Variants in CSPP1 observed in about 807,000 individuals in gnomAD.
The protein encoded by CSPP1 is centrosome and spindle pole-associated protein 1.
CSPP1 carries 126 observed loss-of-function variants against 164.4 expected under a neutral mutation model. That is an observed-to-expected ratio of 0.77 (90% CI 0.66 to 0.89). CSPP1 has a LOEUF of 0.89. Among genes scored for constraint, CSPP1 ranks in the 40% least tolerant of loss-of-function variants. The pLI, the probability that CSPP1 is intolerant of heterozygous loss-of-function variation, is 0.00. For synonymous variants in CSPP1, 472 were observed against 476.7 expected, an observed-to-expected ratio of 0.99 and a Z score of 0.13; for missense variants, 1,395 against 1,449.8, an observed-to-expected ratio of 0.96 and a Z score of 0.61.
chr8:67,070,726 T>A (rs1806582181), intron 1 of CSPP1, among the ~76,000 whole-genome samples: 1 of 149,098 alleles, frequency 6.7e-6, no homozygotes, highest in Non-Finnish European at 1.5e-5. Context: ...TATGTAAATA[T>A]ATATATATAT....
chr8:67,190,565 T>G (rs929755342), intron 28 of CSPP1, 85 bp from the exon 29 acceptor site: 3 of 967,870 alleles, frequency 3.1e-6, no homozygotes, highest in African/African-American at 1.6e-5. Flanking sequence ...AAGCAAAATC[T>G]TAGTAATTAA....
At chr8:67,133,618 G>C (rs1436543108) in intron 16 of CSPP1, 1 of 152,274 alleles carries the variant, frequency 6.6e-6, no homozygotes, top group Non-Finnish European at 1.5e-5. Context: ...GGCAGTTGCT[G>C]AAGATTGGGT....
chr8:67,109,682 G>GT (rs372310105), intron 9 of CSPP1, among the ~76,000 whole-genome samples: 1 of 152,036 alleles, frequency 6.6e-6, no homozygotes, highest in African/African-American at 2.4e-5. Context: ...TAATGTAGCA[G>GT]TTTCTCATTG....
At chr8:67,179,125 G>A (rs1832384935) in intron 27 of CSPP1, among the ~76,000 whole-genome samples, 1 of 152,298 alleles carries the variant, frequency 6.6e-6, no homozygotes, top group South Asian at 2.1e-4. Context: ...CAGGGAGGTG[G>A]AGTTGGATGA....
intron 7 of CSPP1, among the ~76,000 whole-genome samples, chr8:67,096,291 G>A (rs1812741699): frequency 1.3e-5 from 2 of 152,190 alleles, no homozygotes. Flanking sequence ...ATGTGGCCAG[G>A]CATGGTGGCT....
chr8:67,136,693 G>A (rs568539280), intron 16 of CSPP1, among the ~76,000 whole-genome samples: 4 of 151,718 alleles, frequency 2.6e-5, no homozygotes, highest in South Asian at 2.1e-4. Flanking sequence ...TTGATCCTCC[G>A]ACCTCTGAAT....
intron 3 of CSPP1, among the ~76,000 whole-genome samples, chr8:67,078,915 G>A (rs796324492): frequency 7.9e-5 from 12 of 152,196 alleles, no homozygotes; most frequent in African/African-American, 2.9e-4. Context: ...GGAGGTTGCA[G>A]TGACCGAGAT....
At chr8:67,168,530 G>GAAAT (rs1033955342) in intron 24 of CSPP1, among the ~76,000 whole-genome samples, 3 of 151,942 alleles carry the variant, frequency 2.0e-5, no homozygotes, top group Admixed American at 6.5e-5. Flanking sequence ...GTATGTATTT[G>GAAAT]AAATAAATAA....
intron 7 of CSPP1, among the ~76,000 whole-genome samples, chr8:67,097,288 A>G (rs1586050522): frequency 6.6e-6 from 1 of 152,188 alleles, no homozygotes; most frequent in South Asian, 2.1e-4. Flanking sequence ...ATTAATTACA[A>G]TACAAAGCTT....
chr8:67,102,583 C>T (rs947589386), intron 7 of CSPP1, among the ~76,000 whole-genome samples: 4 of 151,492 alleles, frequency 2.6e-5, no homozygotes, highest in African/African-American at 4.9e-5. Flanking sequence ...AGCAAGACTC[C>T]GTCTCAAAAA....
chr8:67,175,119 T>G lies in CSPP1; in HGVS notation c.2969-177T>G, dbSNP rs890842473. 6 of 593,504 alleles carry G rather than the reference T, an allele frequency of 1.0e-5. No individual in the cohort carries two copies. The South Asian group carries it at 1.2e-4, about 12-fold the overall frequency. 36.8% of individuals were successfully genotyped at this position (593,504 alleles called of 1,614,324 possible). A position where few individuals can be genotyped will look rare whatever the true frequency, so the allele number is the denominator to read the frequency against. On this transcript the variant is annotated intron_variant, in intron 25 of 30. Transcript: ENST00000678616. ...AGACACTTATTAAAGAATATTAATT[T>G]CATATTCTTTAGTTTTGTGGCTATT...
chr8:67,116,125 G>C lies in CSPP1; in HGVS notation c.1496+3G>C, dbSNP rs930891879. The C allele has an allele frequency of 1.2e-6, 2 of 1,608,096 alleles. No homozygotes were observed. The highest frequency in any genetic ancestry group is 1.7e-6 in the Non-Finnish European group (2 of 1,174,572). ...CTTGGTGAAATGGTGTCTCCCAGGT[G>C]CTTGTTTAAATGTTTTGTGTTTGGG... On this transcript the variant is annotated splice_donor_region_variant and intron_variant, in intron 13 of 30. Coordinates refer to ENST00000678616, the MANE Select transcript of CSPP1 (RefSeq NM_001382391.1).
chr8:67,167,190 G>T (rs750638221), intron 24 of CSPP1, among the ~76,000 whole-genome samples: 1 of 152,314 alleles, frequency 6.6e-6, no homozygotes, highest in Non-Finnish European at 1.5e-5. Flanking sequence ...TTTTCTATTT[G>T]ACAAAACCGC....
intron 4 of CSPP1, among the ~76,000 whole-genome samples, chr8:67,090,864 T>C (rs2129544555): frequency 6.6e-6 from 1 of 152,338 alleles, no homozygotes; most frequent in South Asian, 2.1e-4. Flanking sequence ...ATTGATTGAT[T>C]TTATCCTTAT....
chr8:67,160,682 A>T (rs1345464345), intron 21 of CSPP1, among the ~76,000 whole-genome samples: 1 of 151,442 alleles, frequency 6.6e-6, no homozygotes, highest in Admixed American at 6.6e-5. Context: ...TCTTTCATTT[A>T]TGTATGTCTG....
chr8:67,111,598 A>C (rs1816850863), intron 9 of CSPP1, among the ~76,000 whole-genome samples: 1 of 152,210 alleles, frequency 6.6e-6, no homozygotes, highest in Non-Finnish European at 1.5e-5. Context: ...GAAGAGGGGC[A>C]GTTGGTTTTG....
At chr8:67,072,447 G>A (rs1276503354) in intron 1 of CSPP1, among the ~76,000 whole-genome samples, 2 of 152,062 alleles carry the variant, frequency 1.3e-5, no homozygotes, top group Non-Finnish European at 2.9e-5. Flanking sequence ...TACAAAGCAA[G>A]TTTTGTAAAA....
chr8:67,068,690 T>C (rs1481079334), intron 1 of CSPP1, among the ~76,000 whole-genome samples: 1 of 152,210 alleles, frequency 6.6e-6, no homozygotes, highest in Non-Finnish European at 1.5e-5. Context: ...GGCCGTGATA[T>C]CTAGAAACTG....
chr8:67,176,797 C>T (rs936007504), intron 26 of CSPP1, among the ~76,000 whole-genome samples: 1 of 152,108 alleles, frequency 6.6e-6, no homozygotes, highest in Non-Finnish European at 1.5e-5. Context: ...ACTGGCCAGG[C>T]GTGGTGGCTC....
Sources: gnomAD v4.1 joint callset for allele counts (sites outside exome capture counted in the v4.1 genomes callset) on GRCh38, gnomAD v4.1.1 for gene constraint, MANE v1.5 for transcripts, NCBI Gene and HGNC (gene_info 2026-07-23, HGNC 2026-07-21) for gene names.